Variants in CHST11 observed in about 807,000 individuals in gnomAD.
CHST11 encodes carbohydrate sulfotransferase 11.
A neutral mutation model predicts 30.4 loss-of-function variants in CHST11; 9 were observed. That is an observed-to-expected ratio of 0.30 (90% CI 0.18 to 0.52). CHST11 has a LOEUF of 0.52. CHST11 is among the 20% of genes least tolerant of loss of function. CHST11 has a pLI of 0.97. For missense variants in CHST11, 348 were observed against 460.6 expected (o/e 0.76, Z 2.24); for synonymous variants, 152 against 187.8 (o/e 0.81, Z 1.56).
At chr12:104,745,430 TG>T (rs796496850) in intron 2 of CHST11, among the ~76,000 whole-genome samples, 3 of 152,364 alleles carry the variant, frequency 2.0e-5, no homozygotes, top group African/African-American at 7.2e-5. Flanking sequence ...GGCTCTTTTT[TG>T]GTTCCATATG....
intron 1 of CHST11, 121 bp downstream of exon 1, chr12:104,457,650 C>T (rs1446637931): frequency 1.3e-6 from 1 of 773,124 alleles, no homozygotes; most frequent in Non-Finnish European, 2.3e-6. Context: ...TTCGGGGCTC[C>T]TGGCTGCCCA....
chr12:104,540,908 T>TA (rs2038279473), intron 1 of CHST11, among the ~76,000 whole-genome samples: 1 of 152,120 alleles, frequency 6.6e-6, no homozygotes, highest in African/African-American at 2.4e-5. Flanking sequence ...CTCTAAGATT[T>TA]TGCTTCTTGA....
intron 1 of CHST11, among the ~76,000 whole-genome samples, chr12:104,475,351 G>C (rs1409307047): frequency 6.6e-6 from 1 of 151,640 alleles, no homozygotes; most frequent in Non-Finnish European, 1.5e-5. Context: ...GCTGTGGGTG[G>C]CTAGGAAAAA....
At chr12:104,593,034 T>A (rs1222182029) in intron 1 of CHST11, among the ~76,000 whole-genome samples, 23 of 152,272 alleles carry the variant, frequency 1.5e-4, no homozygotes, top group Non-Finnish European at 2.1e-4. Flanking sequence ...TGTCAGTAAA[T>A]CTCACGGCTC....
chr12:104,743,941 T>C (rs1267503570), intron 2 of CHST11, among the ~76,000 whole-genome samples: 1 of 15,328 alleles, frequency 6.5e-5, no homozygotes, highest in Non-Finnish European at 1.3e-4. Flanking sequence ...ACATGATCTC[T>C]CTTTTTTTAT....
rs1268918585 is a variant in CHST11, at chr12:104,761,960, C to T, written c.*4157C>T. On this transcript the variant is annotated 3_prime_UTR_variant, in exon 3 of 3. Transcript: ENST00000303694. The stretch of plus-strand genomic sequence containing the variant: ...TCATGAACCTTCCTCCAGGAAAAGC[C>T]ATTCAAGCCTGATTATTTTTCTAAG... 6.6e-6 allele frequency: 1 copy of T among 152,126 alleles called. No homozygotes were observed. Among genetic ancestry groups the T allele is most frequent in the Non-Finnish European group, 1.5e-5 (1 of 68,026 alleles). The allele number at this position is 152,126 out of a possible 1,614,324, so 9.4% of individuals were successfully genotyped here.
chr12:104,535,836 T>C (rs1449773711), intron 1 of CHST11, among the ~76,000 whole-genome samples: 1 of 152,236 alleles, frequency 6.6e-6, no homozygotes, highest in Non-Finnish European at 1.5e-5. Context: ...TATTTATGCA[T>C]AGACATATGA....
intron 1 of CHST11, among the ~76,000 whole-genome samples, chr12:104,479,640 A>T (rs1593958333): frequency 6.6e-6 from 1 of 152,356 alleles, no homozygotes; most frequent in South Asian, 2.1e-4. Context: ...GAGGTAAAAA[A>T]TATATAATTA....
Position 104,457,137 on chromosome 12 carries a change from C to T in CHST11, c.-275C>T, listed in dbSNP as rs1012910741. On this transcript the variant is annotated 5_prime_UTR_variant, in exon 1 of 3. Transcript: ENST00000303694. ...AGGCAGCGGCGGCCGCCGGCGGGAT[C>T]GGAGGAGGCGGCGGAGCGGCGAGGA... 4.8e-5 allele frequency: 13 copies of T among 270,114 alleles called. No homozygotes were observed. Among genetic ancestry groups the T allele is most frequent in the Admixed American group, 2.2e-4 (4 of 18,400 alleles). 16.7% of individuals were successfully genotyped at this position (270,114 alleles called of 1,614,324 possible).
At chr12:104,575,953 C>T (rs1447365719) in intron 1 of CHST11, among the ~76,000 whole-genome samples, 1 of 151,658 alleles carries the variant, frequency 6.6e-6, no homozygotes, top group Non-Finnish European at 1.5e-5. Flanking sequence ...AAAGCTCATG[C>T]ACGAATGCCA....
chr12:104,655,400 A>C (rs1181549675), intron 2 of CHST11, among the ~76,000 whole-genome samples: 16 of 152,186 alleles, frequency 1.1e-4, no homozygotes, highest in Admixed American at 1.0e-3. Flanking sequence ...CTAGGGATGG[A>C]TTCCACCACT....
rs528545144 is a variant in CHST11, at chr12:104,530,073, C to A, written c.119-71833C>A. Among the ~76,000 whole-genome samples, 4 of 152,256 alleles carry A rather than the reference C, an allele frequency of 2.6e-5. 1 individual carries two copies. Among genetic ancestry groups the A allele is most frequent in the African/African-American group, 4.8e-5 (2 of 41,540 alleles). On this transcript the variant is annotated intron_variant, in intron 1 of 2. Coordinates refer to ENST00000303694, the MANE Select transcript of CHST11 (RefSeq NM_018413.6). ...AATTGGGAGGCTGAGGCACAAGAATCTCTTGAAACCGGGAGGTGGAGGTTG... is the reference window on the plus strand; with the variant it reads ...AATTGGGAGGCTGAGGCACAAGAATATCTTGAAACCGGGAGGTGGAGGTTG...
At position 104,673,057 on chromosome 12, in the gene CHST11, C is replaced by A. The variant is rs80111086; in HGVS notation, c.204+71066C>A. 8.1e-3 allele frequency among the ~76,000 whole-genome samples: 1,239 copies of A among 152,320 alleles called. 15 individuals are homozygous for A. The highest frequency in any genetic ancestry group is 0.028 in the African/African-American group (1,170 of 41,572). On this transcript the variant is annotated intron_variant, in intron 2 of 2. Coordinates refer to ENST00000303694, the MANE Select transcript of CHST11 (RefSeq NM_018413.6). ...AAGGGAAGATTTATTATTTGCCTCT[C>A]CCAGTTGCCAAACTCCTTGGCTTGG...
At chr12:104,563,338 A>G (rs1446446545) in intron 1 of CHST11, among the ~76,000 whole-genome samples, 2 of 152,108 alleles carry the variant, frequency 1.3e-5, no homozygotes, top group African/African-American at 4.8e-5. Context: ...GTGCTCGGCC[A>G]TTGTTGAGCT....
At chr12:104,604,018 G>T (rs957509918) in intron 2 of CHST11, among the ~76,000 whole-genome samples, 2 of 152,120 alleles carry the variant, frequency 1.3e-5, no homozygotes, top group Non-Finnish European at 2.9e-5. Context: ...AGCACTAGGC[G>T]CTGGGCACAA....
intron 1 of CHST11, among the ~76,000 whole-genome samples, chr12:104,521,256 T>C (rs2038071205): frequency 6.6e-6 from 1 of 152,198 alleles, no homozygotes. Flanking sequence ...ATAACTATTT[T>C]CTCCTTATCT....
At chr12:104,739,167 G>A (rs922054216) in intron 2 of CHST11, among the ~76,000 whole-genome samples, 7 of 152,194 alleles carry the variant, frequency 4.6e-5, no homozygotes, top group South Asian at 2.1e-4. Context: ...AGGCCTGAGC[G>A]TTCTCTCCCT....
chr12:104,693,379 G>A (rs973638045), intron 2 of CHST11, among the ~76,000 whole-genome samples: 6 of 152,164 alleles, frequency 3.9e-5, no homozygotes, highest in Admixed American at 6.5e-5. Flanking sequence ...CCATACCTAG[G>A]GTAGCAGTAC....
intron 1 of CHST11, among the ~76,000 whole-genome samples, chr12:104,511,594 G>A (rs1310345809): frequency 6.6e-6 from 1 of 152,154 alleles, no homozygotes; most frequent in Non-Finnish European, 1.5e-5. Context: ...TCATGAAATC[G>A]TTTAAACAAA....
Sources: allele counts gnomAD v4.1 joint callset (sites outside exome capture counted in the v4.1 genomes callset), GRCh38; gene constraint gnomAD v4.1.1; transcripts MANE v1.5; gene names NCBI Gene and HGNC (gene_info 2026-07-23, HGNC 2026-07-21).